The following PSMC3IP variants were observed in gnomAD, a reference collection of about 807,000 sequenced individuals.
PSMC3IP encodes the protein PSMC3 interacting protein.
A neutral mutation model predicts 34.9 loss-of-function variants in PSMC3IP; 26 were observed. The ratio of observed to expected loss-of-function variants is 0.74; its 90% confidence interval spans 0.55 to 1.03. The LOEUF (loss-of-function observed/expected upper bound fraction) is 1.03, where lower values mean the gene tolerates loss of function less well. Ranked by LOEUF, PSMC3IP falls within the 50% of genes least tolerant of loss-of-function variation. The pLI is 0.00. For synonymous variants in PSMC3IP, 87 were observed against 96.5 expected, an observed-to-expected ratio of 0.90 and a Z score of 0.57; for missense variants, 250 against 263.1, an observed-to-expected ratio of 0.95 and a Z score of 0.34.
At position 42,572,599 on chromosome 17, in the gene PSMC3IP, A is replaced by G. The variant is rs1014877337; in HGVS notation, c.*369T>C. The G allele has an allele frequency of 2.0e-5, 9 of 452,124 alleles. No individual in the cohort carries two copies. Among genetic ancestry groups the G allele is most frequent in the Admixed American group, 4.7e-5 (2 of 42,382 alleles). 28.0% of individuals were successfully genotyped at this position (452,124 alleles called of 1,614,324 possible). On this transcript the variant is annotated 3_prime_UTR_variant, in exon 8 of 8. Coordinates refer to ENST00000393795, the MANE Select transcript of PSMC3IP (RefSeq NM_016556.4). ...AACCTCTCTCTACCCTAGTTCTCCAAATTCACTTCTGCCTTCCTCAGGTTT... is the reference window on the plus strand; with the variant it reads ...AACCTCTCTCTACCCTAGTTCTCCAGATTCACTTCTGCCTTCCTCAGGTTT...
rs2292751 is a variant in PSMC3IP at position 42,573,781 on chromosome 17, C to T, written c.338-158G>A. ...TTATTTATTCTTCTAATTTTCTTTC[C>T]TCCTCCATCTACAAGTGGCGTGGGT... On this transcript the variant is annotated intron_variant, in intron 4 of 7. Transcript: ENST00000393795. The T allele has an allele frequency of 0.55, 824,386 of 1,499,422 alleles. 228,362 individuals carry two copies. The highest frequency in any genetic ancestry group is 0.64 in the South Asian group (51,508 of 81,036). 92.9% of individuals were successfully genotyped at this position (1,499,422 alleles called of 1,614,324 possible).
In PSMC3IP at chr17:42,577,321, G is replaced by A; in HGVS notation, c.136-19C>T. On this transcript the variant is annotated intron_variant, in intron 2 of 7. Coordinates refer to ENST00000393795, the MANE Select transcript of PSMC3IP (RefSeq NM_016556.4). ...CCACCACCTGGCAGAGGAGAGAGAA[G>A]GAGCAATCAGAGGAGTCTGAGCCTG... is the stretch of plus-strand genomic sequence containing the variant. 1 of 1,613,310 alleles carries A rather than the reference G, an allele frequency of 6.2e-7. No homozygotes were observed. The highest frequency in any genetic ancestry group is 8.5e-7 in the Non-Finnish European group (1 of 1,179,422).
At chr17:42,577,434 G>A (rs2093083036) in intron 2 of PSMC3IP, 27 bp downstream of exon 2, 1 of 1,612,818 alleles carries the variant, frequency 6.2e-7, no homozygotes, top group Non-Finnish European at 8.5e-7. Flanking sequence ...GTCCGACGGA[G>A]AGGGAATCCC....
intron 3 of PSMC3IP, among the ~76,000 whole-genome samples, chr17:42,575,306 GA>G (rs2093068625): frequency 6.6e-6 from 1 of 152,172 alleles, no homozygotes; most frequent in East Asian, 1.9e-4. Flanking sequence ...GCATGTTTTT[GA>G]AAACAAAATT....
intron 3 of PSMC3IP, among the ~76,000 whole-genome samples, chr17:42,574,838 C>T (rs1480257080): frequency 6.6e-6 from 1 of 151,956 alleles, no homozygotes; most frequent in Non-Finnish European, 1.5e-5. Context: ...ACTGCAACCT[C>T]CGCCTCCTGG....
Position 42,577,384 on chromosome 17 carries a change from C to T in PSMC3IP, c.135+77G>A, listed in dbSNP as rs1182158832. ...TCCAGCCAGTGATGTGGAAAACGCCCAAGGCTCCAAAGGGCACGACCCCAG... is the reference window on the plus strand; with the variant it reads ...TCCAGCCAGTGATGTGGAAAACGCCTAAGGCTCCAAAGGGCACGACCCCAG... On this transcript the variant is annotated intron_variant, in intron 2 of 7. Transcript: ENST00000393795. 3.1e-6 allele frequency: 5 copies of T among 1,608,602 alleles called. No individual in the cohort carries two copies. The East Asian group carries it at 1.1e-4, about 36-fold the overall frequency.
chr17:42,573,558 T>C lies in PSMC3IP; in HGVS notation c.403A>G (p.Lys135Glu). The part of the protein sequence containing the change: ...EMQKEIQELK[K>E]ECAGYRERLK... ...CTCTCTCTGTAGCCAGCGCATTCCT[T>C]CTTTAACTCCTGGATTTCTTTCTGC... Residue 135 changes from lysine (K) to glutamate (E), a missense_variant, in exon 5 of 8, where the codon AAG (lysine) becomes GAG (glutamate). Physicochemically the swap from Lys to Glu is moderately conservative, Grantham distance 56. Coordinates refer to ENST00000393795, the MANE Select transcript of PSMC3IP (RefSeq NM_016556.4). The C allele has an allele frequency of 3.1e-6, 5 of 1,614,178 alleles. No homozygotes were observed. Among genetic ancestry groups the C allele is most frequent in the Non-Finnish European group, 4.2e-6 (5 of 1,180,022 alleles).
rs758464625 is a variant in PSMC3IP, at chr17:42,577,547, G to C, written c.49C>G (p.Leu17Val). 1 of 1,614,060 alleles carries C rather than the reference G, an allele frequency of 6.2e-7. No homozygotes were observed. Among genetic ancestry groups the C allele is most frequent in the African/African-American group, 1.3e-5 (1 of 74,952 alleles). ...EAAAGAAGILLRYLQEQNRPY... is the reference protein window; with the variant it reads ...EAAAGAAGILVRYLQEQNRPY... ...CGGTTCTGCTCCTGCAGGTACCTCA[G>C]GAGGATCCCGGCGGCTACGGAGAGA... The change falls in exon 2 of 8, where the codon CTG (leucine) becomes GTG (valine). Residue 17 changes from leucine (L) to valine (V), a missense_variant. Leu to Val is a conservative substitution (Grantham distance 32). Transcript: ENST00000393795.
chr17:42,574,968 G>T (rs1225067223), intron 3 of PSMC3IP, among the ~76,000 whole-genome samples: 1 of 152,150 alleles, frequency 6.6e-6, no homozygotes, highest in Non-Finnish European at 1.5e-5. Context: ...TGCCCAGGCT[G>T]GTCTCAAACT....
chr17:42,577,316 G>A lies in PSMC3IP; in HGVS notation c.136-14C>T. On this transcript the variant is annotated splice_polypyrimidine_tract_variant and intron_variant, in intron 2 of 7. Coordinates refer to ENST00000393795, the MANE Select transcript of PSMC3IP (RefSeq NM_016556.4). ...CTTCACCACCACCTGGCAGAGGAGAGAGAAGGAGCAATCAGAGGAGTCTGA... is the reference window on the plus strand; with the variant it reads ...CTTCACCACCACCTGGCAGAGGAGAAAGAAGGAGCAATCAGAGGAGTCTGA... The A allele has an allele frequency of 3.1e-6, 5 of 1,613,658 alleles. No homozygotes were observed. Among genetic ancestry groups the A allele is most frequent in the South Asian group, 1.1e-5 (1 of 91,076 alleles).
Position 42,573,103 on chromosome 17 carries a change from T to C in PSMC3IP, c.597+4A>G. 6.2e-7 allele frequency: 1 copy of C among 1,614,236 alleles called. No individual in the cohort carries two copies. The highest frequency in any genetic ancestry group is 8.5e-7 in the Non-Finnish European group (1 of 1,180,032). On this transcript the variant is annotated splice_donor_region_variant and intron_variant, in intron 7 of 7. Coordinates refer to ENST00000393795, the MANE Select transcript of PSMC3IP (RefSeq NM_016556.4). ...AAGCAAAGAAGGAAGAGAGCTCCACTTACAAAGAACTGCTTCTTGCTCTTG... is the reference window on the plus strand; with the variant it reads ...AAGCAAAGAAGGAAGAGAGCTCCACCTACAAAGAACTGCTTCTTGCTCTTG...
At chr17:42,573,949 C>T (rs1272336169) in intron 4 of PSMC3IP, 150 bp downstream of exon 4, 24 of 1,536,524 alleles carry the variant, frequency 1.6e-5, no homozygotes, top group Admixed American at 2.0e-5. Context: ...CGTTAGTTAT[C>T]CTACATTTCT....
chr17:42,573,394 C>T, intron 5 of PSMC3IP, 30 bp from the exon 6 acceptor site: 4 of 1,614,212 alleles, frequency 2.5e-6, no homozygotes, highest in Non-Finnish European at 3.4e-6. Flanking sequence ...TCCTCTAACT[C>T]CTCAGAACCA....
intron 3 of PSMC3IP, among the ~76,000 whole-genome samples, chr17:42,576,000 G>A (rs1233506425): frequency 6.6e-6 from 1 of 152,150 alleles, no homozygotes; most frequent in Non-Finnish European, 1.5e-5. Context: ...CAGCCTGGGT[G>A]ACAGAGCGAG....
Position 42,572,765 on chromosome 17 carries a change from G to A in PSMC3IP, c.*203C>T, listed in dbSNP as rs2093042185. 1 of 694,068 alleles carries A rather than the reference G, an allele frequency of 1.4e-6. No homozygotes were observed. Among genetic ancestry groups the A allele is most frequent in the South Asian group, 1.5e-5 (1 of 66,910 alleles). 43.0% of individuals were successfully genotyped at this position (694,068 alleles called of 1,614,324 possible). ...CTCAAGCTACTGCAATTTAGACAATGAAATGGGCTGGGTCTACCCCCAGCC... is the reference window on the plus strand; with the variant it reads ...CTCAAGCTACTGCAATTTAGACAATAAAATGGGCTGGGTCTACCCCCAGCC... On this transcript the variant is annotated 3_prime_UTR_variant, in exon 8 of 8. Coordinates refer to ENST00000393795, the MANE Select transcript of PSMC3IP (RefSeq NM_016556.4).
chr17:42,572,747 T>C lies in PSMC3IP; in HGVS notation c.*221A>G. The C allele has an allele frequency of 1.5e-6, 1 of 669,416 alleles. No individual in the cohort carries two copies. Among genetic ancestry groups the C allele is most frequent in the East Asian group, 2.9e-5 (1 of 34,098 alleles). 41.5% of individuals were successfully genotyped at this position (669,416 alleles called of 1,614,324 possible). ...CCAAGTCTAAATGTTAACCTCAAGC[T>C]ACTGCAATTTAGACAATGAAATGGG... On this transcript the variant is annotated 3_prime_UTR_variant, in exon 8 of 8. Coordinates refer to ENST00000393795, the MANE Select transcript of PSMC3IP (RefSeq NM_016556.4).
chr17:42,573,499 C>G lies in PSMC3IP; in HGVS notation c.462G>C (p.Val154=), dbSNP rs1218461205. The part of the protein sequence containing the change: ...LKNIKAATNH[V]TPEEKEQVYR... ...TCACCTGCTCTTTCTCTTCTGGAGT[C>G]ACATGATTGGTAGCTGCTTTAATGT... Residue 154 remains valine (V), a synonymous_variant, in exon 5 of 8, where the codon GTG becomes GTC. Transcript: ENST00000393795. The G allele has an allele frequency of 2.5e-6, 4 of 1,614,130 alleles. No individual in the cohort carries two copies. Among genetic ancestry groups the G allele is most frequent in the Non-Finnish European group, 3.4e-6 (4 of 1,180,052 alleles).
At position 42,572,630 on chromosome 17, in the gene PSMC3IP, C is replaced by T. The variant is rs2093040998; in HGVS notation, c.*338G>A. The stretch of plus-strand genomic sequence containing the variant: ...CTTCTGCCTTCCTCAGGTTTGATAT[C>T]TGGCAGGTTTGACTATCCAGAGGAA... On this transcript the variant is annotated 3_prime_UTR_variant, in exon 8 of 8. Coordinates refer to ENST00000393795, the MANE Select transcript of PSMC3IP (RefSeq NM_016556.4). 1 of 446,812 alleles carries T rather than the reference C, an allele frequency of 2.2e-6. No homozygotes were observed. Among genetic ancestry groups the T allele is most frequent in the Non-Finnish European group, 4.5e-6 (1 of 223,410 alleles). The allele number at this position is 446,812 out of a possible 1,614,324, so 27.7% of individuals were successfully genotyped here. A position where few individuals can be genotyped will look rare whatever the true frequency, so the allele number is the denominator to read the frequency against.
At chr17:42,577,587 G>A in intron 1 of PSMC3IP, 26 bp from the exon 2 acceptor site, 4 of 1,614,148 alleles carry the variant, frequency 2.5e-6, no homozygotes, top group Non-Finnish European at 1.7e-6. Context: ...CAGGGGAGGG[G>A]GCCACTCAAC....
Sources: gnomAD v4.1 joint callset for allele counts (sites outside exome capture counted in the v4.1 genomes callset) on GRCh38, gnomAD v4.1.1 for gene constraint, MANE v1.5 for transcripts, NCBI Gene and HGNC (gene_info 2026-07-23, HGNC 2026-07-21) for gene names.